The following PARD3B variants were observed in gnomAD, a reference collection of about 807,000 sequenced individuals.
The protein encoded by PARD3B is par-3 family cell polarity regulator beta, also known as partitioning defective 3 homolog B.
A neutral mutation model predicts 130.2 loss-of-function variants in PARD3B; 103 were observed. The ratio of observed to expected loss-of-function variants is 0.79; its 90% CI spans 0.67 to 0.93. PARD3B has a LOEUF of 0.93. PARD3B is among the 40% of genes least tolerant of loss of function. The pLI is 0.00. For missense variants in PARD3B, 1,609 were observed against 1,499.2 expected (o/e 1.07, Z -1.21); for synonymous variants, 583 against 553.2 (o/e 1.05, Z -0.76).
chr2:204,678,861 AG>A lies in PARD3B; in HGVS notation c.121-7319del, dbSNP rs2125227719. ...GCCAGGGAGCTGCCCTCTTCTATCC[AG>A]TATTTCCCTGCCTCCTGTCGGTATC... On this transcript the variant is annotated intron_variant, in intron 1 of 22. Transcript: ENST00000406610. The surrounding 1 kb of genome is among the most constrained non-coding windows in gnomAD (Gnocchi z 4.2). Among the ~76,000 whole-genome samples the A allele has an allele frequency of 6.6e-6, 1 of 152,228 alleles. No individual in the cohort carries two copies. The highest frequency in any genetic ancestry group is 2.1e-4 in the South Asian group (1 of 4,814).
At chr2:204,791,072 T>A (rs2042184730) in intron 2 of PARD3B, among the ~76,000 whole-genome samples, 2 of 151,364 alleles carry the variant, frequency 1.3e-5, no homozygotes, top group Non-Finnish European at 2.9e-5. Flanking sequence ...GCCACCGCCC[T>A]CCAGCCAAGG....
intron 2 of PARD3B, among the ~76,000 whole-genome samples, chr2:204,947,603 C>G (rs1689437661): frequency 7.6e-6 from 1 of 132,122 alleles, no homozygotes; most frequent in Admixed American, 8.3e-5. Context: ...AAAGTATTTT[C>G]CTTGTTTACT....
At chr2:205,095,543 G>T (rs1702344886) in intron 4 of PARD3B, among the ~76,000 whole-genome samples, 1 of 152,224 alleles carries the variant, frequency 6.6e-6, no homozygotes, top group Non-Finnish European at 1.5e-5. Context: ...TAGCAGAGCA[G>T]ATGAAATGTT....
In PARD3B at chr2:205,104,004, T is replaced by C. The variant is rs1435245969; in HGVS notation, c.505-422T>C. Among the ~76,000 whole-genome samples the C allele has an allele frequency of 2.0e-5, 3 of 152,170 alleles. No individual in the cohort carries two copies. The East Asian group carries it at 5.8e-4, about 29-fold the overall frequency. The stretch of plus-strand genomic sequence containing the variant: ...AGGTGACTTTGCCAGGCAATGTTTT[T>C]TCATGGATTTTGCTTTTCTTTATAT... On this transcript the variant is annotated intron_variant, in intron 4 of 22. Transcript: ENST00000406610.
At position 205,008,708 on chromosome 2, in the gene PARD3B, A is replaced by G. The variant is rs116067280; in HGVS notation, c.395-38873A>G. On this transcript the variant is annotated intron_variant, in intron 3 of 22. Transcript: ENST00000406610. ...CAAAAAGTCTTTCTCTAGTAAATCA[A>G]TTAAAGACTTGACAGGATAGATGTT... Among the ~76,000 whole-genome samples the G allele has an allele frequency of 5.5e-3, 835 of 152,294 alleles. 9 individuals are homozygous for G. The highest frequency in any genetic ancestry group is 0.018 in the African/African-American group (739 of 41,570).
intron 11 of PARD3B, among the ~76,000 whole-genome samples, chr2:205,167,511 A>G (rs2034888684): frequency 6.6e-6 from 1 of 152,210 alleles, no homozygotes; most frequent in Admixed American, 6.5e-5. Context: ...ATCTGCTTTT[A>G]GAAACATGAC....
intron 10 of PARD3B, among the ~76,000 whole-genome samples, chr2:205,152,412 T>C (rs2033822294): frequency 6.6e-6 from 1 of 152,204 alleles, no homozygotes; most frequent in Admixed American, 6.5e-5. Flanking sequence ...GACACAGAGT[T>C]GGTCTTTTCA....
At chr2:204,872,802 C>T (rs2045680084) in intron 2 of PARD3B, among the ~76,000 whole-genome samples, 2 of 152,188 alleles carry the variant, frequency 1.3e-5, no homozygotes, top group African/African-American at 2.4e-5. Flanking sequence ...TTGAACTCTA[C>T]ACCATCTTGC....
At chr2:205,353,622 G>C (rs777727954) in intron 18 of PARD3B, among the ~76,000 whole-genome samples, 6 of 152,150 alleles carry the variant, frequency 3.9e-5, no homozygotes, top group Non-Finnish European at 7.3e-5. Flanking sequence ...GAGAATCTTG[G>C]TGATATGACT....
At chr2:205,576,605 G>T (rs576034342) in intron 22 of PARD3B, among the ~76,000 whole-genome samples, 1 of 152,244 alleles carries the variant, frequency 6.6e-6, no homozygotes, top group South Asian at 2.1e-4. Context: ...AGTTGACTAT[G>T]CTAAAATGGG....
chr2:204,989,161 C>G (rs1277880487), intron 3 of PARD3B, among the ~76,000 whole-genome samples: 1 of 151,990 alleles, frequency 6.6e-6, no homozygotes, highest in Non-Finnish European at 1.5e-5. Flanking sequence ...AAGAAAGGAG[C>G]TGGGGAGGGT....
At chr2:204,651,563 G>A (rs1366122207) in intron 1 of PARD3B, among the ~76,000 whole-genome samples, 1 of 152,216 alleles carries the variant, frequency 6.6e-6, no homozygotes, top group Non-Finnish European at 1.5e-5. Context: ...TTGAGTGTCT[G>A]TGACTTTCCT....
rs1185414214 is a variant in PARD3B, at chr2:204,675,867, G to C, written c.121-10314G>C. Among the ~76,000 whole-genome samples, 2 of 152,138 alleles carry C rather than the reference G, an allele frequency of 1.3e-5. No individual in the cohort carries two copies. Among genetic ancestry groups the C allele is most frequent in the Non-Finnish European group, 2.9e-5 (2 of 68,012 alleles). On this transcript the variant is annotated intron_variant, in intron 1 of 22. Transcript: ENST00000406610. This position sits in a 1 kb window ranked among gnomAD's most constrained non-coding sequence, Gnocchi z 4.4. Reference sequence around the variant, plus strand: ...GAGATACTGTAGAAACAAATTCCCTGGAATTGTTGGTGCTTTTATATTGCA... The same window carrying C: ...GAGATACTGTAGAAACAAATTCCCTCGAATTGTTGGTGCTTTTATATTGCA...
At chr2:204,765,744 A>G (rs1301197438) in intron 2 of PARD3B, among the ~76,000 whole-genome samples, 1 of 152,122 alleles carries the variant, frequency 6.6e-6, no homozygotes, top group Non-Finnish European at 1.5e-5. Context: ...CCCTTAGGCT[A>G]CAAACTAATA....
intron 21 of PARD3B, among the ~76,000 whole-genome samples, chr2:205,552,599 G>T (rs2052697719): frequency 6.6e-6 from 1 of 151,944 alleles, no homozygotes; most frequent in African/African-American, 2.4e-5. Context: ...AGCAGAGATG[G>T]GGTTTCACTA....
chr2:204,547,611 G>A (rs915535687), intron 1 of PARD3B, among the ~76,000 whole-genome samples: 2 of 152,160 alleles, frequency 1.3e-5, no homozygotes, highest in Non-Finnish European at 2.9e-5. Flanking sequence ...TTGAAAGTGA[G>A]CTAAGATTAA....
intron 21 of PARD3B, among the ~76,000 whole-genome samples, chr2:205,522,076 A>G (rs1025787911): frequency 1.3e-5 from 2 of 148,496 alleles, no homozygotes; most frequent in Non-Finnish European, 3.0e-5. Flanking sequence ...TTAAGTTTTT[A>G]GTGTATTTTA....
At chr2:204,722,769 A>C (rs185063270) in intron 2 of PARD3B, among the ~76,000 whole-genome samples, 1 of 152,064 alleles carries the variant, frequency 6.6e-6, no homozygotes, top group Non-Finnish European at 1.5e-5. Flanking sequence ...AGTTCTGTGG[A>C]GCTCTGGTGG....
At chr2:205,225,623 C>T (rs571022117) in intron 15 of PARD3B, among the ~76,000 whole-genome samples, 26 of 152,230 alleles carry the variant, frequency 1.7e-4, no homozygotes, top group South Asian at 1.5e-3. Context: ...GCAGGCTGTA[C>T]AAGAAGCATG....
Sources: gnomAD v4.1 joint callset for allele counts (sites outside exome capture counted in the v4.1 genomes callset) on GRCh38, gnomAD v4.1.1 for gene constraint, Gnocchi (gnomAD v3.1) non-coding constraint, MANE v1.5 for transcripts, NCBI Gene and HGNC (gene_info 2026-07-23, HGNC 2026-07-21) for gene names.